The following CSRNP3 variants were observed in gnomAD, a reference collection of about 807,000 sequenced individuals.
CSRNP3 encodes cysteine and serine rich nuclear protein 3.
In CSRNP3, 12 loss-of-function variants were observed where a neutral mutation model predicts 48.0. The ratio of observed to expected loss-of-function variants is 0.25; its 90% CI spans 0.16 to 0.41. CSRNP3 has a LOEUF of 0.41. CSRNP3 is among the 10% of genes least tolerant of loss of function. The pLI is 1.00. For missense variants in CSRNP3, 580 were observed against 724.4 expected, an observed-to-expected ratio of 0.80 and a Z score of 2.29; for synonymous variants, 263 against 269.7, an observed-to-expected ratio of 0.98 and a Z score of 0.24.
intron 3 of CSRNP3, among the ~76,000 whole-genome samples, chr2:165,566,217 AAT>A (rs1685296090): frequency 2.0e-5 from 3 of 151,964 alleles, no homozygotes; most frequent in Admixed American, 6.6e-5. Flanking sequence ...GATAAAAAAA[AAT>A]CTTAGCATTT....
At chr2:165,490,623 A>G (rs1212997101) in intron 1 of CSRNP3, among the ~76,000 whole-genome samples, 219 of 139,614 alleles carry the variant, frequency 1.6e-3, no homozygotes, top group East Asian at 7.3e-3. Context: ...GGAACAGAAC[A>G]GAGCCCTCAG....
chr2:165,475,524 C>T (rs1021456363), intron 1 of CSRNP3, among the ~76,000 whole-genome samples: 16 of 152,190 alleles, frequency 1.1e-4, no homozygotes, highest in Non-Finnish European at 2.2e-4. Flanking sequence ...AGTACCCTTT[C>T]GCTCACTATC....
chr2:165,588,353 C>T (rs1243586465), intron 3 of CSRNP3, among the ~76,000 whole-genome samples: 1 of 152,182 alleles, frequency 6.6e-6, no homozygotes, highest in African/African-American at 2.4e-5. Context: ...CAATCTGAAG[C>T]TACTTAAGAG....
intron 3 of CSRNP3, among the ~76,000 whole-genome samples, chr2:165,579,534 A>G (rs1685507165): frequency 2.0e-5 from 3 of 152,192 alleles, no homozygotes; most frequent in South Asian, 4.1e-4. Context: ...CAGAGTTTCT[A>G]TCTCATCTAT....
chr2:165,564,883 A>G (rs914821446), intron 3 of CSRNP3, among the ~76,000 whole-genome samples: 2 of 152,028 alleles, frequency 1.3e-5, no homozygotes, highest in Non-Finnish European at 2.9e-5. Flanking sequence ...TCTTGTTGCT[A>G]CCTGGTTCCA....
intron 3 of CSRNP3, among the ~76,000 whole-genome samples, chr2:165,571,866 G>A (rs1685377711): frequency 6.6e-6 from 1 of 151,778 alleles, no homozygotes; most frequent in Admixed American, 6.6e-5. Flanking sequence ...GTATCTTTTA[G>A]TGATTGAGAT....
intron 5 of CSRNP3, among the ~76,000 whole-genome samples, chr2:165,669,532 G>A (rs1316390788): frequency 1.3e-5 from 2 of 152,020 alleles, no homozygotes; most frequent in Non-Finnish European, 2.9e-5. Context: ...AAGCTGTCTG[G>A]GTATCATTCC....
chr2:165,661,942 A>T (rs1687103918), intron 5 of CSRNP3, among the ~76,000 whole-genome samples: 1 of 152,150 alleles, frequency 6.6e-6, no homozygotes, highest in East Asian at 1.9e-4. Flanking sequence ...CAAAACAGGA[A>T]GAAGAAGTTC....
Position 165,633,371 on chromosome 2 carries a change from G to A in CSRNP3, c.149-24390G>A, listed in dbSNP as rs73972115. 2.2e-3 allele frequency among the ~76,000 whole-genome samples: 335 copies of A among 152,236 alleles called. 1 individual carries two copies. Among genetic ancestry groups the A allele is most frequent in the African/African-American group, 7.6e-3 (316 of 41,530 alleles). Reference sequence around the variant, plus strand: ...AAGTAATGGCCTATTGTGAAGCCTCGAATTCTGGCATCGATAATATTTTGA... The same window carrying A: ...AAGTAATGGCCTATTGTGAAGCCTCAAATTCTGGCATCGATAATATTTTGA... On this transcript the variant is annotated intron_variant, in intron 4 of 6. Transcript: ENST00000651982.
intron 4 of CSRNP3, among the ~76,000 whole-genome samples, chr2:165,617,357 G>A (rs1029947208): frequency 6.6e-6 from 1 of 152,190 alleles, no homozygotes; most frequent in Non-Finnish European, 1.5e-5. Context: ...AAATTGGATA[G>A]GGTACTTTAG....
intron 3 of CSRNP3, among the ~76,000 whole-genome samples, chr2:165,569,524 CAAAG>C (rs933856561): frequency 1.1e-4 from 16 of 152,120 alleles, no homozygotes; most frequent in African/African-American, 3.6e-4. Context: ...AACAAGCTAA[CAAAG>C]AGTCAATTGT....
chr2:165,612,176 C>T (rs1454028), intron 4 of CSRNP3, among the ~76,000 whole-genome samples: 123,596 of 151,912 alleles, frequency 0.81, 50,425 homozygotes, highest in Non-Finnish European at 0.84. Context: ...TTCTTGGAAG[C>T]CAATTAATTC....
chr2:165,599,009 G>T (rs990540294), intron 4 of CSRNP3, among the ~76,000 whole-genome samples: 1 of 151,906 alleles, frequency 6.6e-6, no homozygotes, highest in Non-Finnish European at 1.5e-5. Context: ...GGAGGGTGAG[G>T]CAGGAGGATT....
intron 4 of CSRNP3, among the ~76,000 whole-genome samples, chr2:165,610,026 G>A (rs1686110566): frequency 6.6e-6 from 1 of 152,100 alleles, no homozygotes; most frequent in African/African-American, 2.4e-5. Flanking sequence ...GGCATTTATC[G>A]AACTTTCATT....
intron 2 of CSRNP3, among the ~76,000 whole-genome samples, chr2:165,514,739 TC>T (rs1366261773): frequency 6.6e-6 from 1 of 152,108 alleles, no homozygotes; most frequent in Non-Finnish European, 1.5e-5. Flanking sequence ...CTGCTCCTCC[TC>T]CTCCTTAAAC....
chr2:165,526,639 C>A (rs1558925308), intron 3 of CSRNP3, among the ~76,000 whole-genome samples: 1 of 151,906 alleles, frequency 6.6e-6, no homozygotes, highest in Non-Finnish European at 1.5e-5. Context: ...TTGAGTATAC[C>A]CCTACTGTCC....
At chr2:165,667,530 T>A (rs1252122904) in intron 5 of CSRNP3, among the ~76,000 whole-genome samples, 2 of 152,198 alleles carry the variant, frequency 1.3e-5, no homozygotes, top group Non-Finnish European at 2.9e-5. Flanking sequence ...TGCACAACCA[T>A]AACTTCAAGC....
At position 165,619,277 on chromosome 2, in the gene CSRNP3, T is replaced by G. The variant is rs144972183; in HGVS notation, c.148+24064T>G. 3.7e-3 allele frequency among the ~76,000 whole-genome samples: 559 copies of G among 152,298 alleles called. 4 individuals are homozygous for G. Among genetic ancestry groups the G allele is most frequent in the African/African-American group, 0.013 (530 of 41,570 alleles). On this transcript the variant is annotated intron_variant, in intron 4 of 6. Transcript: ENST00000651982. ...CTTCTTCTATGTCCTAATTTTTCAT[T>G]TTTTGACTTGTAACATTTAAAAATT... is the stretch of plus-strand genomic sequence containing the variant.
intron 3 of CSRNP3, among the ~76,000 whole-genome samples, chr2:165,559,561 G>A (rs1685203340): frequency 6.6e-6 from 1 of 152,034 alleles, no homozygotes; most frequent in South Asian, 2.1e-4. Flanking sequence ...GAGTCCCAGA[G>A]TCATTCACAA....
Sources: allele counts gnomAD v4.1 joint callset (sites outside exome capture counted in the v4.1 genomes callset), GRCh38; gene constraint gnomAD v4.1.1; transcripts MANE v1.5; gene names NCBI Gene and HGNC (gene_info 2026-07-23, HGNC 2026-07-21).